Variants in SLC12A8 observed in about 807,000 individuals in gnomAD.
SLC12A8 encodes the protein solute carrier family 12 member 8.
In SLC12A8, 69 loss-of-function variants were observed where a neutral mutation model predicts 75.6. That is an observed-to-expected ratio of 0.91 (90% confidence interval 0.75 to 1.11). SLC12A8 has a LOEUF of 1.11. Ranked by LOEUF, SLC12A8 falls within the 50% of genes most tolerant of loss-of-function variation. The pLI, the probability that SLC12A8 is intolerant of heterozygous loss-of-function variation, is 0.00. For synonymous variants in SLC12A8, 365 were observed against 372.8 expected (o/e 0.98, Z 0.24); for missense variants, 877 against 896.7 (o/e 0.98, Z 0.28).
Position 125,113,225 on chromosome 3 carries a change from C to T in SLC12A8, c.913-2890G>A, listed in dbSNP as rs1939228972. Among the ~76,000 whole-genome samples, 4 of 152,214 alleles carry T rather than the reference C, an allele frequency of 2.6e-5. No homozygotes were observed. The South Asian group carries it at 8.3e-4, about 32-fold the overall frequency. On this transcript the variant is annotated intron_variant, in intron 8 of 13. Transcript: ENST00000469902. Reference sequence around the variant, plus strand: ...CTTCCCACAGACACACCCTGGGATTCCTCCAGAGCCCTAGGAGCTGGGGTC... The same window carrying T: ...CTTCCCACAGACACACCCTGGGATTTCTCCAGAGCCCTAGGAGCTGGGGTC...
At chr3:125,174,422 GT>G in intron 5 of SLC12A8, among the ~76,000 whole-genome samples, 1 of 152,330 alleles carries the variant, frequency 6.6e-6, no homozygotes, top group South Asian at 2.1e-4. Context: ...TTAGAAGACA[GT>G]TTGGCAGTTT....
intron 12 of SLC12A8, among the ~76,000 whole-genome samples, chr3:125,090,152 T>G (rs1938550932): frequency 6.6e-6 from 1 of 152,192 alleles, no homozygotes; most frequent in Non-Finnish European, 1.5e-5. Context: ...CAAGCAATTC[T>G]CCTGCCTTAG....
chr3:125,211,738 A>C (rs1263981153), intron 1 of SLC12A8, among the ~76,000 whole-genome samples: 1 of 152,056 alleles, frequency 6.6e-6, no homozygotes, highest in Non-Finnish European at 1.5e-5. Flanking sequence ...TCCCACCCTC[A>C]AGTGCCTCGT....
chr3:125,210,402 T>C (rs1288569740), intron 2 of SLC12A8, among the ~76,000 whole-genome samples: 1 of 152,196 alleles, frequency 6.6e-6, no homozygotes, highest in Non-Finnish European at 1.5e-5. Flanking sequence ...TCAGACTGTA[T>C]AGGGCTGAGG....
chr3:125,113,471 C>CCATCCATT (rs1371974318), intron 8 of SLC12A8, among the ~76,000 whole-genome samples: 1 of 152,204 alleles, frequency 6.6e-6, no homozygotes, highest in Non-Finnish European at 1.5e-5. Flanking sequence ...ATCCATCCAT[C>CCATCCATT]CATCCATTCA....
intron 5 of SLC12A8, among the ~76,000 whole-genome samples, chr3:125,167,153 T>C (rs1934307797): frequency 2.1e-5 from 3 of 144,406 alleles, no homozygotes; most frequent in Non-Finnish European, 1.5e-5. Context: ...TTTTTAAAAC[T>C]TTTTTTTTTT....
chr3:125,158,689 A>G (rs373465651), intron 5 of SLC12A8, among the ~76,000 whole-genome samples: 181 of 152,322 alleles, frequency 1.2e-3, no homozygotes, highest in Middle Eastern at 3.4e-3. Context: ...CAAATCCTCA[A>G]AAGTCAGGGA....
chr3:125,121,606 C>A (rs1425267293), intron 6 of SLC12A8, among the ~76,000 whole-genome samples: 7 of 152,154 alleles, frequency 4.6e-5, no homozygotes, highest in African/African-American at 1.7e-4. Context: ...CTGTTTAATT[C>A]TCATAACAAC....
chr3:125,086,529 C>T (rs547790864), intron 13 of SLC12A8, among the ~76,000 whole-genome samples: 87 of 152,288 alleles, frequency 5.7e-4, no homozygotes, highest in African/African-American at 2.0e-3. Flanking sequence ...TCCTGTAAAT[C>T]AGGCAAGGCA....
intron 2 of SLC12A8, among the ~76,000 whole-genome samples, chr3:125,202,899 C>A (rs1935153256): frequency 6.6e-6 from 1 of 151,700 alleles, no homozygotes; most frequent in African/African-American, 2.4e-5. Flanking sequence ...ACCAGCCTGC[C>A]CAACATGGTG....
chr3:125,149,101 G>A (rs1933857119), intron 5 of SLC12A8, among the ~76,000 whole-genome samples: 1 of 152,214 alleles, frequency 6.6e-6, no homozygotes, highest in Non-Finnish European at 1.5e-5. Flanking sequence ...GCTGGTGACT[G>A]CATGTGGCAG....
chr3:125,162,394 C>T (rs1934194914), intron 5 of SLC12A8, among the ~76,000 whole-genome samples: 1 of 152,122 alleles, frequency 6.6e-6, no homozygotes, highest in African/African-American at 2.4e-5. Context: ...TCCTGGAGCC[C>T]CCAGTGAAAC....
At chr3:125,099,958 T>C (rs1938825193) in intron 10 of SLC12A8, among the ~76,000 whole-genome samples, 1 of 151,754 alleles carries the variant, frequency 6.6e-6, no homozygotes, top group Non-Finnish European at 1.5e-5. Context: ...ATATAAACTA[T>C]AAAAAAGAAC....
rs144707594 is a variant in SLC12A8, at chr3:125,084,948, G to C, written c.1983-896C>G. On this transcript the variant is annotated intron_variant, in intron 13 of 13. Coordinates refer to ENST00000469902, the MANE Select transcript of SLC12A8 (RefSeq NM_024628.6). ...TATGAGTAATAAGTTTCAATTGTTT[G>C]AATATGGAATACATTTGAGAGTTGC... Among the ~76,000 whole-genome samples, 374 of 152,324 alleles carry C rather than the reference G, an allele frequency of 2.5e-3. 1 individual carries two copies. Among genetic ancestry groups the C allele is most frequent in the African/African-American group, 8.0e-3 (333 of 41,552 alleles).
At chr3:125,163,254 C>A (rs1386300395) in intron 5 of SLC12A8, among the ~76,000 whole-genome samples, 1 of 151,548 alleles carries the variant, frequency 6.6e-6, no homozygotes, top group Non-Finnish European at 1.5e-5. Flanking sequence ...AGGTCAATAT[C>A]ACACCACTGC....
rs1934888981 is a variant in SLC12A8 at position 125,190,462 on chromosome 3, C to T, written c.111G>A (p.Val37=). ...ACACACCATCCCAGGTCCCAAACAG[C>T]ACAGGCTCCCACATGAACAGCTGGG... ...WKTQLFMWEP[V]LFGTWDGVFT... Residue 37 remains valine, a synonymous_variant, in exon 3 of 14, where the codon GTG becomes GTA. Transcript: ENST00000469902. 7.4e-6 allele frequency: 12 copies of T among 1,614,116 alleles called. No homozygotes were observed. The highest frequency in any genetic ancestry group is 1.0e-5 in the Non-Finnish European group (12 of 1,180,054).
Position 125,187,265 on chromosome 3 carries a change from G to T in SLC12A8, c.362C>A (p.Thr121Asn), listed in dbSNP as rs781046992. The change falls in exon 4 of 14, where the codon ACC becomes AAC. Residue 121 changes from threonine to asparagine, a missense_variant. By Grantham distance (65) the Thr-to-Asn change is moderately conservative. Coordinates refer to ENST00000469902, the MANE Select transcript of SLC12A8 (RefSeq NM_024628.6). ...SSVLGGQTGG[T>N]IGLLYVFGQC... ...TCCAAACACATAGAGCAGCCCGATG[G>T]TGCCTCCCGTCTGCCCACCCAGGAC... 46 of 1,614,064 alleles carry T rather than the reference G, an allele frequency of 2.8e-5. No individual in the cohort carries two copies. Among genetic ancestry groups the T allele is most frequent in the Non-Finnish European group, 3.3e-5 (39 of 1,180,042 alleles).
At chr3:125,111,801 A>T (rs1939194955) in intron 8 of SLC12A8, among the ~76,000 whole-genome samples, 2 of 152,166 alleles carry the variant, frequency 1.3e-5, no homozygotes, top group Non-Finnish European at 1.5e-5. Context: ...GAAAAAAAAA[A>T]TTTCTTTAAA....
At chr3:125,119,610 CTTTT>C (rs1932996252) in intron 7 of SLC12A8, among the ~76,000 whole-genome samples, 1 of 152,186 alleles carries the variant, frequency 6.6e-6, no homozygotes. Flanking sequence ...AAGCCTCTTT[CTTTT>C]ATTTCCTTCC....
Sources: gnomAD v4.1 joint callset for allele counts (sites outside exome capture counted in the v4.1 genomes callset) on GRCh38, gnomAD v4.1.1 for gene constraint, MANE v1.5 for transcripts, NCBI Gene and HGNC (gene_info 2026-07-23, HGNC 2026-07-21) for gene names.